The following FUT8 variants were observed in gnomAD, a reference collection of about 807,000 sequenced individuals.
The protein encoded by FUT8 is fucosyltransferase 8, also known as alpha-(1,6)-fucosyltransferase.
A neutral mutation model predicts 71.3 loss-of-function variants in FUT8; 29 were observed. That is an observed-to-expected ratio of 0.41 (90% CI 0.30 to 0.55). FUT8 has a LOEUF of 0.55. Among genes scored for constraint, FUT8 ranks in the 20% least tolerant of loss-of-function variants. The pLI is 0.34. For synonymous variants in FUT8, 254 were observed against 239.3 expected, an observed-to-expected ratio of 1.06 and a Z score of -0.57; for missense variants, 544 against 702.1, an observed-to-expected ratio of 0.77 and a Z score of 2.55.
chr14:65,532,456 T>A (rs1441565783), intron 2 of FUT8, among the ~76,000 whole-genome samples: 2 of 152,166 alleles, frequency 1.3e-5, no homozygotes, highest in African/African-American at 4.8e-5. Context: ...AGTGATCACA[T>A]CCTTTACCCA....
intron 2 of FUT8, chr14:65,471,124 A>T: frequency 2.2e-6 from 1 of 452,912 alleles, no homozygotes; most frequent in South Asian, 1.6e-5. Flanking sequence ...TGAGGGGGAA[A>T]GTTCTATAGT....
the FUT8 span, among the ~76,000 whole-genome samples, chr14:65,399,948 A>G: frequency 4.6e-5 from 7 of 152,236 alleles, no homozygotes; most frequent in African/African-American, 1.7e-4. Flanking sequence ...CACTTATTCA[A>G]TAACTGTTCA....
chr14:65,671,003 A>G lies in FUT8; in HGVS notation c.835+1523A>G, dbSNP rs573169166. Among the ~76,000 whole-genome samples the G allele has an allele frequency of 7.2e-5, 11 of 152,262 alleles. No individual in the cohort carries two copies. The East Asian group carries it at 9.6e-4, about 13-fold the overall frequency. On this transcript the variant is annotated intron_variant, in intron 7 of 10. Transcript: ENST00000673929. ...TCCACTGATCTGGTCTGTACTTTTC[A>G]CGGCTAGTGCCAACAGATTAGTTAT...
At chr14:65,398,931 T>G in the FUT8 span, among the ~76,000 whole-genome samples, 1 of 152,128 alleles carries the variant, frequency 6.6e-6, no homozygotes, top group South Asian at 2.1e-4. Context: ...GATAAAAATT[T>G]CCCCACCACA....
rs1287527380 is a variant in FUT8 at position 65,660,818 on chromosome 14, C to T, written c.598-8425C>T. On this transcript the variant is annotated intron_variant, in intron 6 of 10. Coordinates refer to ENST00000673929, the MANE Select transcript of FUT8 (RefSeq NM_001371533.1). The surrounding 1 kb of genome is among the most constrained non-coding windows in gnomAD (Gnocchi z 4.1). ...AACTGAGTCTTCATTTTAATTACCA[C>T]AATGGAGTACTTCAGTTCTCTTATT... Among the ~76,000 whole-genome samples, 1 of 152,182 alleles carries T rather than the reference C, an allele frequency of 6.6e-6. No homozygotes were observed.
chr14:65,630,610 G>A (rs1222425060), intron 6 of FUT8, among the ~76,000 whole-genome samples: 1 of 152,102 alleles, frequency 6.6e-6, no homozygotes, highest in Non-Finnish European at 1.5e-5. Context: ...CCATAGTGCA[G>A]GTAAGAAGTA....
At chr14:65,387,613 C>T in the FUT8 span, among the ~76,000 whole-genome samples, 1 of 152,194 alleles carries the variant, frequency 6.6e-6, no homozygotes, top group African/African-American at 2.4e-5. Flanking sequence ...GACTCCGCCT[C>T]TCTGAATTCT....
intron 2 of FUT8, among the ~76,000 whole-genome samples, chr14:65,539,906 G>A (rs974530340): frequency 6.6e-6 from 1 of 152,170 alleles, no homozygotes; most frequent in Non-Finnish European, 1.5e-5. Flanking sequence ...CACAGAATGA[G>A]TCCCAACATT....
rs1415838170 is a variant in FUT8, at chr14:65,602,341, TCTCACACACACACACACACA to T, written c.204-13635_204-13616del. Among the ~76,000 whole-genome samples, 338 of 50,064 alleles carry T rather than the reference TCTCACACACACACACACACA, an allele frequency of 6.8e-3. 4 individuals carry two copies. The highest frequency in any genetic ancestry group is 0.015 in the African/African-American group (251 of 17,186). The allele number at this position is 50,064 out of a possible 152,430, so 32.8% of individuals were successfully genotyped here. A position where few individuals can be genotyped will look rare whatever the true frequency, so the allele number is the denominator to read the frequency against. On this transcript the variant is annotated intron_variant, in intron 3 of 10. Transcript: ENST00000673929. Reference sequence around the variant, plus strand: ...TTTCATGGCCGAGTAGCGTTCCATCTCTCACACACACACACACACACACACACACACACACACACACACAC... The same window carrying T: ...TTTCATGGCCGAGTAGCGTTCCATCTCACACACACACACACACACACACAC...
chr14:65,453,598 T>C (rs927770093), intron 1 of FUT8, among the ~76,000 whole-genome samples: 1 of 152,156 alleles, frequency 6.6e-6, no homozygotes, highest in Admixed American at 6.5e-5. Flanking sequence ...AATTTAGCCC[T>C]CCTGAGGTCT....
At chr14:65,739,561 C>T (rs79672103) in intron 10 of FUT8, among the ~76,000 whole-genome samples, 4,413 of 152,002 alleles carry the variant, frequency 0.029, 124 homozygotes, top group East Asian at 0.12. Flanking sequence ...AAACACATCA[C>T]GGTTCATTGT....
At chr14:65,427,646 A>G (rs1308630775) in intron 1 of FUT8, among the ~76,000 whole-genome samples, 1 of 152,104 alleles carries the variant, frequency 6.6e-6, no homozygotes, top group African/African-American at 2.4e-5. Context: ...TATTGAGTTG[A>G]GTTCCTTATA....
In FUT8 at chr14:65,467,101, G is replaced by T. The variant is rs2066056067; in HGVS notation, c.-228+11383G>T. Among the ~76,000 whole-genome samples the T allele has an allele frequency of 6.6e-6, 1 of 151,782 alleles. No homozygotes were observed. The highest frequency in any genetic ancestry group is 2.1e-4 in the South Asian group (1 of 4,818). ...CTTTCTTTTTGTAATCCATATTTCT[G>T]ATCTATATAATTTTCCTTCTTTCTG... is the stretch of plus-strand genomic sequence containing the variant. On this transcript the variant is annotated intron_variant, in intron 2 of 10. Coordinates refer to ENST00000673929, the MANE Select transcript of FUT8 (RefSeq NM_001371533.1). The surrounding 1 kb of genome is among the most constrained non-coding windows in gnomAD (Gnocchi z 4.1).
chr14:65,589,691 G>A (rs186512678), intron 3 of FUT8, among the ~76,000 whole-genome samples: 1 of 152,002 alleles, frequency 6.6e-6, no homozygotes, highest in Non-Finnish European at 1.5e-5. Flanking sequence ...TGATCTGCCC[G>A]CCTCGGCCTC....
intron 6 of FUT8, among the ~76,000 whole-genome samples, chr14:65,668,228 C>G (rs1468053071): frequency 2.0e-5 from 3 of 152,054 alleles, no homozygotes; most frequent in Non-Finnish European, 4.4e-5. Context: ...CAAACAGAAC[C>G]TAATTAAAGA....
chr14:65,584,995 C>T (rs1372081978), intron 3 of FUT8, among the ~76,000 whole-genome samples: 4 of 151,506 alleles, frequency 2.6e-5, no homozygotes. Context: ...ATTATTTTAA[C>T]AGATATTCCT....
intron 2 of FUT8, among the ~76,000 whole-genome samples, chr14:65,484,046 T>G (rs150564638): frequency 1.3e-5 from 2 of 152,330 alleles, no homozygotes; most frequent in East Asian, 3.9e-4. Context: ...CAATTTTTAA[T>G]TGTTCATTAC....
chr14:65,706,346 A>T (rs1328332181), intron 7 of FUT8, among the ~76,000 whole-genome samples: 2 of 152,208 alleles, frequency 1.3e-5, no homozygotes, highest in Non-Finnish European at 2.9e-5. Flanking sequence ...TTGCCTTAGT[A>T]TATTTTGCTT....
At chr14:65,448,297 A>G (rs527282416) in intron 1 of FUT8, among the ~76,000 whole-genome samples, 34 of 152,316 alleles carry the variant, frequency 2.2e-4, no homozygotes, top group African/African-American at 7.7e-4. Context: ...AAGTGGGTCT[A>G]GAACCTATAG....
Sources: gnomAD v4.1 joint callset for allele counts (sites outside exome capture counted in the v4.1 genomes callset) on GRCh38, gnomAD v4.1.1 for gene constraint, Gnocchi (gnomAD v3.1) non-coding constraint, MANE v1.5 for transcripts, NCBI Gene and HGNC (gene_info 2026-07-23, HGNC 2026-07-21) for gene names.